Variants in FOXN3 observed in about 807,000 individuals in gnomAD.
The protein encoded by FOXN3 is forkhead box protein N3.
A neutral mutation model predicts 38.4 loss-of-function variants in FOXN3; 7 were observed. The observed-to-expected ratio is 0.18, with a 90% confidence interval of 0.10 to 0.34. The LOEUF (loss-of-function observed/expected upper bound fraction) is 0.34, where lower values mean the gene tolerates loss of function less well. Among genes scored for constraint, FOXN3 ranks in the 10% least tolerant of loss-of-function variants. FOXN3 has a pLI of 1.00. For missense variants in FOXN3, 456 were observed against 613.4 expected (o/e 0.74, Z 2.71); for synonymous variants, 230 against 242.2 (o/e 0.95, Z 0.47).
rs1239556184 is a variant in FOXN3 at position 89,611,561 on chromosome 14, C to T, written c.-15+7467G>A. On this transcript the variant is annotated intron_variant, in intron 1 of 6. Coordinates refer to the FOXN3 transcript ENST00000345097. ...GTGGCTCACGCCTGTAATCCCAGCA[C>T]TTTGGGAGGCCAAGGCGGGCGGATC... Among the ~76,000 whole-genome samples the T allele has an allele frequency of 4.6e-5, 7 of 152,316 alleles. No homozygotes were observed. In the South Asian group the frequency reaches 8.3e-4, roughly 18 times the overall value.
intron 1 of FOXN3, among the ~76,000 whole-genome samples, chr14:89,581,694 C>G (rs545277315): frequency 2.6e-5 from 4 of 152,044 alleles, no homozygotes; most frequent in Non-Finnish European, 2.9e-5. Flanking sequence ...CTAAGCTATC[C>G]CAGAGTTTGG....
intron 4 of FOXN3, among the ~76,000 whole-genome samples, chr14:89,204,088 CACACACACACACACAA>C (rs1888312812): frequency 1.4e-5 from 2 of 144,306 alleles, no homozygotes; most frequent in African/African-American, 5.6e-5. Context: ...CACACACACA[CACACACACACACACAA>C]CTACTACTAC....
Position 89,612,430 on chromosome 14 carries a change from A to C in FOXN3, c.-15+6598T>G, listed in dbSNP as rs146141579. On this transcript the variant is annotated intron_variant, in intron 1 of 6. Transcript: ENST00000345097. ...GATATTTATTAAGTAGTCCTTATAGAGTCACTGTTTTATTTTAAAAGCTGC... is the reference window on the plus strand; with the variant it reads ...GATATTTATTAAGTAGTCCTTATAGCGTCACTGTTTTATTTTAAAAGCTGC... Among the ~76,000 whole-genome samples, 286 of 152,248 alleles carry C rather than the reference A, an allele frequency of 1.9e-3. 1 individual carries two copies. The highest frequency in any genetic ancestry group is 6.5e-3 in the African/African-American group (271 of 41,536).
At chr14:89,318,364 G>C (rs895173826) in intron 3 of FOXN3, among the ~76,000 whole-genome samples, 1 of 151,918 alleles carries the variant, frequency 6.6e-6, no homozygotes, top group South Asian at 2.1e-4. Flanking sequence ...TCACCATGTT[G>C]ACCAGGCTGG....
chr14:89,245,359 G>C (rs886574515), intron 4 of FOXN3, among the ~76,000 whole-genome samples: 2 of 151,960 alleles, frequency 1.3e-5, no homozygotes, highest in Non-Finnish European at 2.9e-5. Context: ...AAGTGTTTCT[G>C]CACACAAAAC....
chr14:89,297,292 G>A (rs1887069191), intron 3 of FOXN3, among the ~76,000 whole-genome samples: 1 of 152,148 alleles, frequency 6.6e-6, no homozygotes, highest in Non-Finnish European at 1.5e-5. Context: ...GCCGGGCGCG[G>A]TGGCTCAGGC....
intron 1 of FOXN3, among the ~76,000 whole-genome samples, chr14:89,441,339 T>C (rs1892378605): frequency 1.3e-5 from 2 of 152,034 alleles, no homozygotes; most frequent in South Asian, 4.1e-4. Context: ...ATGTAACCCA[T>C]CCTCCCTGCA....
chr14:89,460,591 G>C (rs1307137378), intron 1 of FOXN3, among the ~76,000 whole-genome samples: 1 of 152,130 alleles, frequency 6.6e-6, no homozygotes, highest in African/African-American at 2.4e-5. Context: ...AGTAGGCATT[G>C]CCTTTATCCA....
Position 89,323,840 on chromosome 14 carries a change from T to TG in FOXN3, c.680+26831dup, listed in dbSNP as rs1416670793. On this transcript the variant is annotated intron_variant, in intron 3 of 5. Coordinates refer to ENST00000557258, the MANE Select transcript of FOXN3 (RefSeq NM_005197.4). ...GTTCCTGACAGAGAGCAAAGGCAAT[T>TG]GGGGGTGGTGGTGAAGTGTAGATAC... 2.6e-5 allele frequency among the ~76,000 whole-genome samples: 4 copies of TG among 152,090 alleles called. No individual in the cohort carries two copies. In the East Asian group the frequency reaches 7.7e-4, roughly 29 times the overall value.
intron 1 of FOXN3, among the ~76,000 whole-genome samples, chr14:89,453,780 A>G (rs2139716005): frequency 6.6e-6 from 1 of 152,276 alleles, no homozygotes; most frequent in South Asian, 2.1e-4. Context: ...AATGTGGATT[A>G]TAATTTAAAA....
intron 1 of FOXN3, among the ~76,000 whole-genome samples, chr14:89,584,859 C>A (rs139526371): frequency 6.6e-6 from 1 of 152,016 alleles, no homozygotes; most frequent in African/African-American, 2.4e-5. Context: ...ATTACAGGCA[C>A]CTGCCATCAT....
intron 4 of FOXN3, among the ~76,000 whole-genome samples, chr14:89,244,856 A>G (rs1885243110): frequency 6.6e-6 from 1 of 152,216 alleles, no homozygotes; most frequent in African/African-American, 2.4e-5. Context: ...TTCTTTTTGC[A>G]CTGGGCACCT....
At chr14:89,510,458 G>A (rs1894034696) in intron 1 of FOXN3, among the ~76,000 whole-genome samples, 1 of 152,160 alleles carries the variant, frequency 6.6e-6, no homozygotes, top group South Asian at 2.1e-4. Context: ...AGGGGTGTGT[G>A]TCCATTGCAG....
intron 4 of FOXN3, among the ~76,000 whole-genome samples, chr14:89,250,852 T>C (rs148483745): frequency 0.013 from 1,929 of 151,958 alleles, 43 homozygotes; most frequent in African/African-American, 0.045. Context: ...TAAAGGGGAG[T>C]TCCCCTGCAC....
intron 4 of FOXN3, among the ~76,000 whole-genome samples, chr14:89,226,781 T>A (rs1456348690): frequency 3.3e-5 from 5 of 152,076 alleles, no homozygotes; most frequent in Admixed American, 6.5e-5. Context: ...AGTATCCTTA[T>A]GAAAAAGGGA....
At chr14:89,509,683 G>A (rs773003693) in intron 1 of FOXN3, among the ~76,000 whole-genome samples, 1 of 152,194 alleles carries the variant, frequency 6.6e-6, no homozygotes, top group Non-Finnish European at 1.5e-5. Flanking sequence ...CAAGGATCTG[G>A]TCTGTCTCAT....
intron 3 of FOXN3, 183 bp downstream of exon 3, chr14:89,350,488 GC>G: frequency 2.2e-6 from 1 of 450,406 alleles, no homozygotes. Context: ...TGACGCTGCA[GC>G]AGCGGTAAGG....
intron 1 of FOXN3, among the ~76,000 whole-genome samples, chr14:89,592,407 GA>G (rs1364679989): frequency 2.0e-5 from 3 of 152,082 alleles, no homozygotes; most frequent in Admixed American, 2.0e-4. Flanking sequence ...ATGTACAGCA[GA>G]ATGACTTATA....
chr14:89,182,090 G>C lies in FOXN3; in HGVS notation c.746-1284C>G, dbSNP rs1189818443. ...AACAAAGACCGTTGAAAAGGCTCTA[G>C]AAAATTATGTATTCCAAAATGAAAA... is the stretch of plus-strand genomic sequence containing the variant. On this transcript the variant is annotated intron_variant, in intron 4 of 5. Coordinates refer to ENST00000557258, the MANE Select transcript of FOXN3 (RefSeq NM_005197.4). 3.9e-5 allele frequency among the ~76,000 whole-genome samples: 6 copies of C among 151,960 alleles called. No homozygotes were observed. In the East Asian group the frequency reaches 1.2e-3, roughly 29 times the overall value.
Sources: gnomAD v4.1 joint callset for allele counts (sites outside exome capture counted in the v4.1 genomes callset) on GRCh38, gnomAD v4.1.1 for gene constraint, MANE v1.5 for transcripts, NCBI Gene and HGNC (gene_info 2026-07-23, HGNC 2026-07-21) for gene names.